PNPLA7: variants seen among roughly 807,000 people sequenced by gnomAD.
PNPLA7 encodes the protein patatin-like phospholipase domain-containing protein 7.
Under a neutral mutation model 161.7 loss-of-function variants are expected in PNPLA7, and 153 were observed. That is an observed-to-expected ratio of 0.95 (90% CI 0.83 to 1.08). PNPLA7 has a LOEUF of 1.08. PNPLA7 is among the 50% of genes least tolerant of loss of function. PNPLA7 has a pLI of 0.00. For synonymous variants in PNPLA7, 809 were observed against 782.1 expected (o/e 1.03, Z -0.57); for missense variants, 1,739 against 1,856.6 (o/e 0.94, Z 1.16).
At chr9:137,505,805 G>C in intron 13 of PNPLA7, 45 bp from the exon 14 acceptor site, 1 of 1,607,832 alleles carries the variant, frequency 6.2e-7, no homozygotes, top group Middle Eastern at 1.7e-4. Context: ...GATGTGGTTG[G>C]GGAACATCGC....
chr9:137,544,987 A>G (rs553430994), intron 4 of PNPLA7, among the ~76,000 whole-genome samples: 164 of 152,200 alleles, frequency 1.1e-3, no homozygotes, highest in Non-Finnish European at 1.6e-3. Context: ...AATTAGTTGT[A>G]CAACCAGAAA....
At chr9:137,545,413 C>T (rs1171998387) in intron 4 of PNPLA7, among the ~76,000 whole-genome samples, 3 of 152,184 alleles carry the variant, frequency 2.0e-5, no homozygotes, top group South Asian at 2.1e-4. Flanking sequence ...TCTGGCCGAG[C>T]GTGAGGCCCT....
chr9:137,499,746 C>T lies in PNPLA7; in HGVS notation c.1757+945G>A, dbSNP rs1833277613. ...GGTCCCCAGGCTGAAGCAGCAACGGCGCGGTGCCATTTGCTGGATTACAGG... is the reference window on the plus strand; with the variant it reads ...GGTCCCCAGGCTGAAGCAGCAACGGTGCGGTGCCATTTGCTGGATTACAGG... On this transcript the variant is annotated intron_variant, in intron 16 of 34. Coordinates refer to ENST00000406427, the MANE Select transcript of PNPLA7 (RefSeq NM_001098537.3). The surrounding 1 kb of genome is among the most constrained non-coding windows in gnomAD (Gnocchi z 5.5). Among the ~76,000 whole-genome samples the T allele has an allele frequency of 6.6e-6, 1 of 152,242 alleles. No homozygotes were observed. The highest frequency in any genetic ancestry group is 2.1e-4 in the South Asian group (1 of 4,834).
At chr9:137,545,830 G>A (rs557496918) in intron 4 of PNPLA7, among the ~76,000 whole-genome samples, 45 of 152,308 alleles carry the variant, frequency 3.0e-4, no homozygotes, top group African/African-American at 6.0e-4. Flanking sequence ...TAGTGGTGAC[G>A]CCAGCGTCTG....
intron 30 of PNPLA7, 85 bp downstream of exon 30, chr9:137,462,600 G>C (rs1329819796): frequency 6.5e-7 from 1 of 1,533,052 alleles, no homozygotes; most frequent in African/African-American, 1.4e-5. Flanking sequence ...GCCCAGGAGC[G>C]ACCCCCACTC....
chr9:137,507,032 C>A (rs1313031776), intron 12 of PNPLA7, among the ~76,000 whole-genome samples: 1 of 152,250 alleles, frequency 6.6e-6, no homozygotes, highest in Non-Finnish European at 1.5e-5. Context: ...GGAGCACAGC[C>A]ATGTGCCCCT....
chr9:137,517,204 C>T (rs1834640903), intron 11 of PNPLA7, among the ~76,000 whole-genome samples: 10 of 137,552 alleles, frequency 7.3e-5, no homozygotes, highest in African/African-American at 2.5e-4. Context: ...CCACTCCATC[C>T]CCCGTCACTC....
chr9:137,511,548 A>G (rs1834239424), intron 12 of PNPLA7, among the ~76,000 whole-genome samples: 2 of 152,110 alleles, frequency 1.3e-5, no homozygotes, highest in Admixed American at 1.3e-4. Context: ...CGGTAGCGCC[A>G]GCGCCTGGAA....
At chr9:137,512,545 T>C (rs994742380) in intron 12 of PNPLA7, among the ~76,000 whole-genome samples, 1 of 152,236 alleles carries the variant, frequency 6.6e-6, no homozygotes, top group Non-Finnish European at 1.5e-5. Context: ...TTATGTTTCT[T>C]TACCTGGTTC....
Position 137,547,373 on chromosome 9 carries a change from G to C in PNPLA7, c.129C>G (p.Ala43=), listed in dbSNP as rs373705343. Residue 43 remains alanine (A), a synonymous_variant, in exon 3 of 35, where the codon GCC becomes GCG. Transcript: ENST00000406427. This position sits in a 1 kb window ranked among gnomAD's most constrained non-coding sequence, Gnocchi z 4.6. ...CACCAACCAAGGCCAGGGCCAGGAG[G>C]GCTCCAACTGCAATCCCCGTCAGCT... ...STMLTGIAVG[A]LLALALVGVL... The C allele has an allele frequency of 1.1e-5, 17 of 1,613,420 alleles. No homozygotes were observed. Among genetic ancestry groups the C allele is most frequent in the Non-Finnish European group, 1.4e-5 (17 of 1,180,000 alleles).
Position 137,467,846 on chromosome 9 carries a change from T to C in PNPLA7, c.2883-373A>G, listed in dbSNP as rs912743707. ...CCAGGAGACAGAGGTTGCAGTGAGCTGAGATCACACCACTGCACTCCAGCC... is the reference window on the plus strand; with the variant it reads ...CCAGGAGACAGAGGTTGCAGTGAGCCGAGATCACACCACTGCACTCCAGCC... On this transcript the variant is annotated intron_variant, in intron 25 of 34. Transcript: ENST00000406427. The surrounding 1 kb of genome is among the most constrained non-coding windows in gnomAD (Gnocchi z 5.1). Among the ~76,000 whole-genome samples the C allele has an allele frequency of 6.6e-6, 1 of 152,028 alleles. No individual in the cohort carries two copies. The highest frequency in any genetic ancestry group is 1.5e-5 in the Non-Finnish European group (1 of 67,998).
chr9:137,509,543 A>ATGAGTTTAACTGGTGTGAG (rs1156450131), intron 12 of PNPLA7: 11 of 273,004 alleles, frequency 4.0e-5, no homozygotes, highest in East Asian at 2.8e-4. Context: ...GCTGGTACGA[A>ATGAGTTTAACTGGTGTGAG]TGAGTTTAAC....
intron 8 of PNPLA7, among the ~76,000 whole-genome samples, chr9:137,530,243 G>T (rs948836204): frequency 1.3e-4 from 20 of 152,258 alleles, no homozygotes; most frequent in Non-Finnish European, 2.6e-4. Flanking sequence ...GGGATTACAG[G>T]CGTGAGCCAC....
chr9:137,478,414 G>A, intron 24 of PNPLA7: 1 of 352,070 alleles, frequency 2.8e-6, no homozygotes, highest in Non-Finnish European at 5.1e-6. Flanking sequence ...TGGGGGGCCA[G>A]AGAGTGGGCC....
At position 137,541,520 on chromosome 9, in the gene PNPLA7, G is replaced by A; in HGVS notation, c.667-798C>T. On this transcript the variant is annotated intron_variant, in intron 7 of 34. Coordinates refer to ENST00000406427, the MANE Select transcript of PNPLA7 (RefSeq NM_001098537.3). This position sits in a 1 kb window ranked among gnomAD's most constrained non-coding sequence, Gnocchi z 4.4. Reference sequence around the variant, plus strand: ...ACAGCCCACTCCCGGGACCACAGCTGGCAGGAGCCCTGCAGGTCAGGGTGA... The same window carrying A: ...ACAGCCCACTCCCGGGACCACAGCTAGCAGGAGCCCTGCAGGTCAGGGTGA... The A allele has an allele frequency of 2.0e-6, 2 of 984,886 alleles. No homozygotes were observed. 61.0% of individuals were successfully genotyped at this position (984,886 alleles called of 1,614,324 possible). A position where few individuals can be genotyped will look rare whatever the true frequency, so the allele number is the denominator to read the frequency against.
intron 12 of PNPLA7, among the ~76,000 whole-genome samples, chr9:137,506,676 C>T (rs1833940890): frequency 6.6e-6 from 1 of 152,184 alleles, no homozygotes; most frequent in African/African-American, 2.4e-5. Flanking sequence ...TTTTGGGCGG[C>T]CTCGGGCTGA....
At chr9:137,548,912 C>A (rs1181250079) in intron 1 of PNPLA7, among the ~76,000 whole-genome samples, 1 of 152,198 alleles carries the variant, frequency 6.6e-6, no homozygotes, top group Non-Finnish European at 1.5e-5. Flanking sequence ...GACAGGGGAA[C>A]CCCTACGCTC....
chr9:137,540,444 G>A lies in PNPLA7; in HGVS notation c.747+198C>T, dbSNP rs1836133131. ...AACCAAAACCGTTAGCCACATGCCCGGCTATTCTTCAACGCACTGTGGCCA... is the reference window on the plus strand; with the variant it reads ...AACCAAAACCGTTAGCCACATGCCCAGCTATTCTTCAACGCACTGTGGCCA... On this transcript the variant is annotated intron_variant, in intron 8 of 34. Transcript: ENST00000406427. This position sits in a 1 kb window ranked among gnomAD's most constrained non-coding sequence, Gnocchi z 5.1. Among the ~76,000 whole-genome samples the A allele has an allele frequency of 6.6e-6, 1 of 152,188 alleles. No individual in the cohort carries two copies. Among genetic ancestry groups the A allele is most frequent in the Non-Finnish European group, 1.5e-5 (1 of 68,038 alleles).
intron 19 of PNPLA7, among the ~76,000 whole-genome samples, chr9:137,494,435 C>A (rs1832928518): frequency 6.6e-6 from 1 of 152,178 alleles, no homozygotes; most frequent in South Asian, 2.1e-4. Context: ...GGGCTCTAAT[C>A]TTCACCTCCT....
Sources: allele counts gnomAD v4.1 joint callset (sites outside exome capture counted in the v4.1 genomes callset), GRCh38; gene constraint gnomAD v4.1.1; non-coding constraint Gnocchi (gnomAD v3.1); transcripts MANE v1.5; gene names NCBI Gene and HGNC (gene_info 2026-07-23, HGNC 2026-07-21).